EMP2: variants seen among roughly 807,000 people sequenced by gnomAD.
EMP2 encodes the protein epithelial membrane protein 2.
Under a neutral mutation model 13.7 loss-of-function variants are expected in EMP2, and 19 were observed. The observed-to-expected ratio is 1.38, with a 90% CI of 0.97 to 2.03. The LOEUF is 2.03. Among genes scored for constraint, EMP2 ranks in the 30% most tolerant of loss-of-function variants. The pLI is 0.00. For synonymous variants in EMP2, 97 were observed against 84.7 expected (o/e 1.15, Z -0.80); for missense variants, 253 against 220.7 (o/e 1.15, Z -0.93).
chr16:10,576,390 C>T (rs555660123), intron 1 of EMP2: 1 of 152,210 alleles, frequency 6.6e-6, no homozygotes, highest in South Asian at 2.1e-4. Flanking sequence ...ATCAGGTCAT[C>T]AAAAGAGAAA....
chr16:10,562,448 T>C (rs1436643960), intron 1 of EMP2, among the ~76,000 whole-genome samples: 2 of 150,882 alleles, frequency 1.3e-5, no homozygotes, highest in Non-Finnish European at 2.9e-5. Context: ...CAGGCTGGCT[T>C]GCTGGAAGAT....
At chr16:10,541,165 G>C (rs532144926) in intron 3 of EMP2, among the ~76,000 whole-genome samples, 16 of 152,196 alleles carry the variant, frequency 1.1e-4, no homozygotes, top group Admixed American at 1.0e-3. Flanking sequence ...CACTTTGGGA[G>C]GCCAAGGTGG....
At chr16:10,562,990 C>G (rs909057386) in intron 1 of EMP2, among the ~76,000 whole-genome samples, 2 of 152,132 alleles carry the variant, frequency 1.3e-5, no homozygotes, top group Non-Finnish European at 2.9e-5. Flanking sequence ...TACAGGCACA[C>G]AGCATGTCAG....
At chr16:10,571,571 G>A (rs1218729866) in intron 1 of EMP2, among the ~76,000 whole-genome samples, 1 of 152,192 alleles carries the variant, frequency 6.6e-6, no homozygotes, top group African/African-American at 2.4e-5. Flanking sequence ...AGGAGCAGTT[G>A]AAACTACTGA....
At chr16:10,553,231 G>T (rs1466904623) in intron 1 of EMP2, among the ~76,000 whole-genome samples, 1 of 152,278 alleles carries the variant, frequency 6.6e-6, no homozygotes, top group Admixed American at 6.5e-5. Context: ...TATTCCCGAC[G>T]CCAGTCAGCC....
Position 10,532,759 on chromosome 16 carries a change from T to TTTTTC in EMP2, c.*145_*146insGAAAA, listed in dbSNP as rs1491247188. The TTTTTC allele has an allele frequency of 7.4e-3, 921 of 124,932 alleles. 105 individuals carry two copies. The highest frequency in any genetic ancestry group is 0.021 in the African/African-American group (280 of 13,596). 7.7% of individuals were successfully genotyped at this position (124,932 alleles called of 1,614,324 possible). The stretch of plus-strand genomic sequence containing the variant: ...TTTTGGATTTTTTTTTTCTTTTTTC[T>TTTTTC]TTTTTTTTTTTTTTTTTTTTTTTTT... On this transcript the variant is annotated 3_prime_UTR_variant, in exon 5 of 5. Coordinates refer to ENST00000359543, the MANE Select transcript of EMP2 (RefSeq NM_001424.6).
At chr16:10,539,808 G>A (rs1280030928) in intron 3 of EMP2, among the ~76,000 whole-genome samples, 4 of 152,120 alleles carry the variant, frequency 2.6e-5, no homozygotes, top group South Asian at 2.1e-4. Context: ...CGAGGGCTTC[G>A]TAAAGCCACC....
intron 1 of EMP2, among the ~76,000 whole-genome samples, chr16:10,566,849 G>A (rs1034737147): frequency 1.3e-5 from 2 of 151,998 alleles, no homozygotes; most frequent in African/African-American, 4.8e-5. Context: ...CCCTCACAGA[G>A]AGCTAAAAAA....
chr16:10,571,138 T>A (rs368939841), intron 1 of EMP2, among the ~76,000 whole-genome samples: 1 of 151,388 alleles, frequency 6.6e-6, no homozygotes, highest in South Asian at 2.1e-4. Flanking sequence ...GCACCTGTAG[T>A]CCCAGCTACT....
chr16:10,557,778 A>G (rs1040865415), intron 1 of EMP2, among the ~76,000 whole-genome samples: 12 of 152,170 alleles, frequency 7.9e-5, no homozygotes, highest in African/African-American at 2.9e-4. Context: ...ATAAAATAAT[A>G]TAGAACACAG....
intron 1 of EMP2, among the ~76,000 whole-genome samples, chr16:10,568,083 A>G (rs1191768411): frequency 6.6e-6 from 1 of 152,218 alleles, no homozygotes; most frequent in Admixed American, 6.5e-5. Flanking sequence ...AGGCTTAGCC[A>G]TGATCAATTT....
At position 10,531,150 on chromosome 16, in the gene EMP2, T is replaced by C. The variant is rs1163069803; in HGVS notation, c.*1755A>G. Reference sequence around the variant, plus strand: ...CCACACCGGGCTAATTTTGTTGTATTTTCGGTAGAGACGGGGTTTCACCAT... The same window carrying C: ...CCACACCGGGCTAATTTTGTTGTATCTTCGGTAGAGACGGGGTTTCACCAT... On this transcript the variant is annotated 3_prime_UTR_variant, in exon 5 of 5. Coordinates refer to ENST00000359543, the MANE Select transcript of EMP2 (RefSeq NM_001424.6). The C allele has an allele frequency of 6.6e-6, 1 of 151,990 alleles. No individual in the cohort carries two copies. The highest frequency in any genetic ancestry group is 1.5e-5 in the Non-Finnish European group (1 of 68,040). 9.4% of individuals were successfully genotyped at this position (151,990 alleles called of 1,614,324 possible). A position where few individuals can be genotyped will look rare whatever the true frequency, so the allele number is the denominator to read the frequency against.
chr16:10,532,720 A>G lies in EMP2; in HGVS notation c.*185T>C. The G allele has an allele frequency of 1.9e-6, 1 of 514,440 alleles. No individual in the cohort carries two copies. The highest frequency in any genetic ancestry group is 2.8e-6 in the Non-Finnish European group (1 of 351,536). The allele number at this position is 514,440 out of a possible 1,614,324, so 31.9% of individuals were successfully genotyped here. On this transcript the variant is annotated 3_prime_UTR_variant, in exon 5 of 5. Transcript: ENST00000359543. ...TCTATTCTCTGATCTCAAGAATGCA[A>G]AAACTCTTCTCTCTTTTGGATTTTT...
chr16:10,557,886 A>G (rs368754863), intron 1 of EMP2, among the ~76,000 whole-genome samples: 98 of 152,274 alleles, frequency 6.4e-4, no homozygotes, highest in Middle Eastern at 3.4e-3. Flanking sequence ...AGCAACAAGA[A>G]ACCTCCGGGC....
intron 1 of EMP2, among the ~76,000 whole-genome samples, chr16:10,562,074 G>A (rs1331221303): frequency 6.6e-6 from 1 of 152,100 alleles, no homozygotes; most frequent in African/African-American, 2.4e-5. Flanking sequence ...ATTCTGTGAG[G>A]CCAGCATTGC....
At chr16:10,539,824 A>T (rs2050680498) in intron 3 of EMP2, among the ~76,000 whole-genome samples, 1 of 152,126 alleles carries the variant, frequency 6.6e-6, no homozygotes, top group Admixed American at 6.5e-5. Flanking sequence ...CCACCGAGGG[A>T]ATTCCAATAT....
intron 2 of EMP2, chr16:10,547,339 G>T: frequency 1.8e-6 from 1 of 559,498 alleles, no homozygotes; most frequent in Non-Finnish European, 3.1e-6. Context: ...CACCATGTAA[G>T]ATGTGGCTTT....
chr16:10,534,494 G>A (rs1468433708), intron 4 of EMP2, among the ~76,000 whole-genome samples: 2 of 152,154 alleles, frequency 1.3e-5, no homozygotes, highest in Non-Finnish European at 2.9e-5. Flanking sequence ...GGCTGGGTGC[G>A]TTGGATCATG....
intron 4 of EMP2, 101 bp downstream of exon 4, chr16:10,537,827 C>T: frequency 6.6e-7 from 1 of 1,520,068 alleles, no homozygotes; most frequent in Non-Finnish European, 9.0e-7. Context: ...CCAATTTCTC[C>T]TTTCCAAATT....
Sources: allele counts gnomAD v4.1 joint callset (sites outside exome capture counted in the v4.1 genomes callset), GRCh38; gene constraint gnomAD v4.1.1; transcripts MANE v1.5; gene names NCBI Gene and HGNC (gene_info 2026-07-23, HGNC 2026-07-21).